CIMAP3: variants seen among roughly 807,000 people sequenced by gnomAD.
The protein encoded by CIMAP3 is ciliary microtubule associated protein 3.
At chr1:111,348,486 G>A in the CIMAP3 span, 1 of 1,574,122 alleles carries the variant, frequency 6.4e-7, no homozygotes, top group South Asian at 1.2e-5. Flanking sequence ...ATATCACTCT[G>A]TAACATAATG....
the CIMAP3 span, among the ~76,000 whole-genome samples, chr1:111,341,391 C>T: frequency 0.49 from 73,661 of 151,848 alleles, 18,125 homozygotes; most frequent in South Asian, 0.54. Flanking sequence ...CATCTGAATG[C>T]GTCAAAGTAT....
At chr1:111,350,251 A>C in the CIMAP3 span, 3 of 1,533,728 alleles carry the variant, frequency 2.0e-6, no homozygotes, top group East Asian at 6.7e-5. Context: ...TCTGTAGAAG[A>C]CTCTTATTCG....
At chr1:111,348,454 G>T in the CIMAP3 span, 1 of 1,399,258 alleles carries the variant, frequency 7.1e-7, no homozygotes, top group Non-Finnish European at 9.5e-7. Flanking sequence ...CTACCTGGAA[G>T]GCTTTATGTG....
the CIMAP3 span, among the ~76,000 whole-genome samples, chr1:111,348,090 T>C: frequency 3.3e-5 from 5 of 152,224 alleles, no homozygotes; most frequent in Non-Finnish European, 7.3e-5. Flanking sequence ...TCTTGTCAGT[T>C]AAATAACAAA....
chr1:111,340,434 A>G, the CIMAP3 span, among the ~76,000 whole-genome samples: 2 of 152,230 alleles, frequency 1.3e-5, no homozygotes, highest in African/African-American at 4.8e-5. Context: ...ACAAAATTGG[A>G]GAAAATTTTC....
chr1:111,348,430 T>G, the CIMAP3 span: 5 of 1,297,964 alleles, frequency 3.9e-6, no homozygotes, highest in African/African-American at 7.5e-5. Flanking sequence ...AGAAAGAGGA[T>G]GATTCTGTTT....
chr1:111,338,412 G>A, the CIMAP3 span, among the ~76,000 whole-genome samples: 1 of 151,604 alleles, frequency 6.6e-6, no homozygotes, highest in African/African-American at 2.4e-5. Context: ...TCCAGGAGCT[G>A]GTTTTTTGAA....
the CIMAP3 span, among the ~76,000 whole-genome samples, chr1:111,347,265 G>C: frequency 6.6e-6 from 1 of 152,166 alleles, no homozygotes; most frequent in South Asian, 2.1e-4. Flanking sequence ...TTAAACGCAA[G>C]CCCTAGCTTC....
the CIMAP3 span, chr1:111,346,747 G>A: frequency 2.5e-6 from 4 of 1,569,388 alleles, no homozygotes; most frequent in East Asian, 9.0e-5. Flanking sequence ...AAGACGAAGT[G>A]GGAGGAAGTG....
chr1:111,328,998 T>C, the CIMAP3 span, among the ~76,000 whole-genome samples: 1 of 152,352 alleles, frequency 6.6e-6, no homozygotes, highest in Admixed American at 6.5e-5. Context: ...GTCTTTCTTT[T>C]CTATATTTAG....
At chr1:111,341,979 C>T in the CIMAP3 span, among the ~76,000 whole-genome samples, 3 of 151,954 alleles carry the variant, frequency 2.0e-5, no homozygotes, top group South Asian at 4.2e-4. Context: ...AAGAGGGAGT[C>T]GAGCATGAGC....
At chr1:111,338,919 C>T in the CIMAP3 span, among the ~76,000 whole-genome samples, 105 of 152,272 alleles carry the variant, frequency 6.9e-4, 2 homozygotes, top group East Asian at 9.1e-3. Flanking sequence ...AATTTTAGAC[C>T]AATATCCTTG....
the CIMAP3 span, among the ~76,000 whole-genome samples, chr1:111,342,898 C>T: frequency 2.0e-5 from 3 of 152,156 alleles, no homozygotes; most frequent in Non-Finnish European, 2.9e-5. Context: ...TTTCACTTCT[C>T]GTGGCCCTGG....
chr1:111,349,609 T>C, the CIMAP3 span: 2 of 152,698 alleles, frequency 1.3e-5, no homozygotes, highest in Non-Finnish European at 2.9e-5. Context: ...TTCCTGACAG[T>C]AAAGAGTCCA....
chr1:111,333,853 A>T, the CIMAP3 span, among the ~76,000 whole-genome samples: 1 of 152,206 alleles, frequency 6.6e-6, no homozygotes, highest in Non-Finnish European at 1.5e-5. Flanking sequence ...ATCTGCAATC[A>T]GCCCTCTTGC....
chr1:111,325,403 C>T, the CIMAP3 span, among the ~76,000 whole-genome samples: 2 of 152,170 alleles, frequency 1.3e-5, no homozygotes, highest in Non-Finnish European at 2.9e-5. Flanking sequence ...ATTCATTCCT[C>T]TACCATCAGA....
chr1:111,342,281 GA>G, the CIMAP3 span, among the ~76,000 whole-genome samples: 4 of 152,148 alleles, frequency 2.6e-5, no homozygotes, highest in Admixed American at 6.5e-5. Context: ...AGTGCTGAAA[GA>G]AAAAAACTGC....
chr1:111,327,254 GA>G, the CIMAP3 span, among the ~76,000 whole-genome samples: 1 of 152,020 alleles, frequency 6.6e-6, no homozygotes, highest in Non-Finnish European at 1.5e-5. Context: ...ATCTTATGTT[GA>G]TTTTTTTATA....
At chr1:111,332,715 G>A in the CIMAP3 span, among the ~76,000 whole-genome samples, 2 of 152,158 alleles carry the variant, frequency 1.3e-5, no homozygotes, top group African/African-American at 4.8e-5. Context: ...GGTGGCCTGT[G>A]GGACTGCTTC....
Sources: allele counts gnomAD v4.1 joint callset (sites outside exome capture counted in the v4.1 genomes callset), GRCh38; gene constraint gnomAD v4.1.1; transcripts MANE v1.5; gene names NCBI Gene and HGNC (gene_info 2026-07-23, HGNC 2026-07-21).